The following PRDM16 variants were observed in gnomAD, a reference collection of about 807,000 sequenced individuals.
The protein encoded by PRDM16 is PR/SET domain 16, also known as histone-lysine N-methyltransferase PRDM16.
Under a neutral mutation model 110.6 loss-of-function variants are expected in PRDM16, and 23 were observed. The observed-to-expected ratio is 0.21, with a 90% CI of 0.15 to 0.29. The LOEUF is 0.29. Among genes scored for constraint, PRDM16 ranks in the 10% least tolerant of loss-of-function variants. The pLI is 1.00. For synonymous variants in PRDM16, 799 were observed against 781.8 expected (o/e 1.02, Z -0.37); for missense variants, 1,615 against 1,794.3 (o/e 0.90, Z 1.81).
At chr1:3,271,944 G>A (rs1301467422) in intron 3 of PRDM16, among the ~76,000 whole-genome samples, 2 of 152,204 alleles carry the variant, frequency 1.3e-5, no homozygotes. Context: ...CTGATCACAA[G>A]ACCACACATT....
At chr1:3,096,602 C>T (rs1051017599) in intron 1 of PRDM16, among the ~76,000 whole-genome samples, 1 of 152,162 alleles carries the variant, frequency 6.6e-6, no homozygotes, top group Admixed American at 6.5e-5. Flanking sequence ...CAGTGCCTTG[C>T]CGCCTGTGTG....
intron 1 of PRDM16, among the ~76,000 whole-genome samples, chr1:3,084,680 G>A (rs1406246551): frequency 6.6e-6 from 1 of 152,184 alleles, no homozygotes; most frequent in Non-Finnish European, 1.5e-5. Flanking sequence ...ACATCTGCCA[G>A]CGCTTATATC....
intron 3 of PRDM16, among the ~76,000 whole-genome samples, chr1:3,292,310 G>A (rs935224940): frequency 2.6e-5 from 4 of 152,222 alleles, no homozygotes; most frequent in Non-Finnish European, 4.4e-5. Flanking sequence ...ACGCGGGCAC[G>A]GCAGGCCCGG....
At chr1:3,424,055 C>G (rs1334400878) in intron 12 of PRDM16, among the ~76,000 whole-genome samples, 1 of 152,170 alleles carries the variant, frequency 6.6e-6, no homozygotes, top group African/African-American at 2.4e-5. Context: ...TCAGGGTTCC[C>G]TTCACCGTCG....
At chr1:3,103,909 C>T (rs2100623477) in intron 1 of PRDM16, among the ~76,000 whole-genome samples, 1 of 152,312 alleles carries the variant, frequency 6.6e-6, no homozygotes, top group Non-Finnish European at 1.5e-5. Context: ...AAGAAATAAA[C>T]ACATCCACAA....
At chr1:3,250,892 G>A (rs977972228) in intron 3 of PRDM16, among the ~76,000 whole-genome samples, 6 of 152,202 alleles carry the variant, frequency 3.9e-5, no homozygotes, top group Non-Finnish European at 8.8e-5. Context: ...CTGCAGAAGT[G>A]GGGCTGGAGT....
At chr1:3,324,060 C>T (rs1183626056) in intron 3 of PRDM16, among the ~76,000 whole-genome samples, 1 of 152,142 alleles carries the variant, frequency 6.6e-6, no homozygotes, top group Non-Finnish European at 1.5e-5. Flanking sequence ...GAGGATCTAC[C>T]AGCAGCAGGG....
intron 3 of PRDM16, among the ~76,000 whole-genome samples, chr1:3,251,703 C>T (rs1309371535): frequency 6.6e-6 from 1 of 152,220 alleles, no homozygotes; most frequent in African/African-American, 2.4e-5. Context: ...CAGGACACCT[C>T]TCGCAGGCGC....
chr1:3,254,890 T>C (rs1640011306), intron 3 of PRDM16, among the ~76,000 whole-genome samples: 1 of 152,340 alleles, frequency 6.6e-6, no homozygotes, highest in South Asian at 2.1e-4. Context: ...GGCATCATGC[T>C]ACCTGACTTC....
chr1:3,226,438 C>G (rs562098797), intron 2 of PRDM16, among the ~76,000 whole-genome samples: 1 of 152,296 alleles, frequency 6.6e-6, no homozygotes, highest in African/African-American at 2.4e-5. Flanking sequence ...CTGGCCCCAT[C>G]TTGGCCGTCT....
intron 3 of PRDM16, among the ~76,000 whole-genome samples, chr1:3,273,526 T>C (rs1640505789): frequency 6.6e-6 from 1 of 152,042 alleles, no homozygotes; most frequent in African/African-American, 2.4e-5. Context: ...TCCATGTGTG[T>C]ACGTGGGTGG....
At chr1:3,247,522 C>G (rs1639814786) in intron 3 of PRDM16, among the ~76,000 whole-genome samples, 1 of 152,198 alleles carries the variant, frequency 6.6e-6, no homozygotes, top group South Asian at 2.1e-4. Flanking sequence ...CCGCCCCCAC[C>G]CCAGGAGGGC....
intron 12 of PRDM16, among the ~76,000 whole-genome samples, chr1:3,420,478 C>T (rs565306507): frequency 3.9e-5 from 6 of 152,334 alleles, no homozygotes; most frequent in South Asian, 2.1e-4. Context: ...CGCAGCCCCG[C>T]GCAAGCAGGA....
intron 8 of PRDM16, among the ~76,000 whole-genome samples, chr1:3,410,468 C>T (rs2493296): frequency 0.14 from 20,675 of 152,184 alleles, 1,505 homozygotes; most frequent in Middle Eastern, 0.23. Flanking sequence ...GGCTCCTGCC[C>T]GGGGTGACCT....
chr1:3,155,055 G>T (rs1007304898), intron 1 of PRDM16, among the ~76,000 whole-genome samples: 2 of 152,172 alleles, frequency 1.3e-5, no homozygotes, highest in Admixed American at 1.3e-4. Flanking sequence ...ACTCCAGGGG[G>T]TGCTCCATGT....
At chr1:3,257,042 GGGGGT>G (rs1223419973) in intron 3 of PRDM16, among the ~76,000 whole-genome samples, 1 of 152,196 alleles carries the variant, frequency 6.6e-6, no homozygotes, top group Non-Finnish European at 1.5e-5. Context: ...GAACACCGAT[GGGGGT>G]GTTTTACTTG....
intron 2 of PRDM16, among the ~76,000 whole-genome samples, chr1:3,220,223 G>GC: frequency 6.6e-6 from 1 of 152,114 alleles, no homozygotes; most frequent in Non-Finnish European, 1.5e-5. Flanking sequence ...CATCTCTGTG[G>GC]CCCCACAGCA....
intron 3 of PRDM16, among the ~76,000 whole-genome samples, chr1:3,320,330 G>A (rs117646771): frequency 0.025 from 3,822 of 152,234 alleles, 272 homozygotes; most frequent in East Asian, 0.23. Flanking sequence ...GTGTGTGTGC[G>A]TGTGTGTGTA....
intron 3 of PRDM16, among the ~76,000 whole-genome samples, chr1:3,247,632 T>C (rs573381888): frequency 1.4e-4 from 21 of 152,220 alleles, no homozygotes; most frequent in Non-Finnish European, 2.6e-4. Context: ...CACACCCTGG[T>C]CTCTGCGCCT....
Sources: gnomAD v4.1 joint callset for allele counts (sites outside exome capture counted in the v4.1 genomes callset) on GRCh38, gnomAD v4.1.1 for gene constraint, MANE v1.5 for transcripts, NCBI Gene and HGNC (gene_info 2026-07-23, HGNC 2026-07-21) for gene names.